ZDHHC14: variants seen among roughly 807,000 people sequenced by gnomAD.
ZDHHC14 encodes the protein palmitoyltransferase ZDHHC14.
In ZDHHC14, 16 loss-of-function variants were observed where a neutral mutation model predicts 47.7. The ratio of observed to expected loss-of-function variants is 0.34; its 90% CI spans 0.23 to 0.51. The LOEUF (loss-of-function observed/expected upper bound fraction) is 0.51, where lower values mean the gene tolerates loss of function less well. Ranked by LOEUF, ZDHHC14 falls within the 20% of genes least tolerant of loss-of-function variation. The pLI, the probability that ZDHHC14 is intolerant of heterozygous loss-of-function variation, is 0.97. For missense variants in ZDHHC14, 515 were observed against 662.5 expected (o/e 0.78, Z 2.44); for synonymous variants, 293 against 278.9 (o/e 1.05, Z -0.50).
intron 1 of ZDHHC14, among the ~76,000 whole-genome samples, chr6:157,420,678 T>C (rs1322877188): frequency 6.6e-6 from 1 of 152,224 alleles, no homozygotes; most frequent in African/African-American, 2.4e-5. Context: ...CTTCACTCTA[T>C]AGAAGTAGGT....
intron 3 of ZDHHC14, among the ~76,000 whole-genome samples, chr6:157,605,762 A>G (rs973353425): frequency 1.3e-5 from 2 of 152,196 alleles, no homozygotes; most frequent in Non-Finnish European, 2.9e-5. Context: ...AGTATGTCCA[A>G]CAATTGGTGT....
At chr6:157,387,620 C>A (rs905099476) in intron 1 of ZDHHC14, among the ~76,000 whole-genome samples, 1 of 152,172 alleles carries the variant, frequency 6.6e-6, no homozygotes, top group Admixed American at 6.5e-5. Context: ...ATGTTTATAA[C>A]CCACTGTGGT....
chr6:157,566,341 C>T (rs1388213909), intron 2 of ZDHHC14, among the ~76,000 whole-genome samples: 1 of 152,148 alleles, frequency 6.6e-6, no homozygotes, highest in Non-Finnish European at 1.5e-5. Flanking sequence ...CACCAGAGCA[C>T]GAAGTGGCCA....
At chr6:157,613,972 C>G (rs1056488811) in intron 3 of ZDHHC14, among the ~76,000 whole-genome samples, 1 of 152,206 alleles carries the variant, frequency 6.6e-6, no homozygotes, top group Non-Finnish European at 1.5e-5. Flanking sequence ...GCTGACTCTT[C>G]CTCTCGTGGT....
intron 5 of ZDHHC14, among the ~76,000 whole-genome samples, chr6:157,636,746 C>G (rs1008661161): frequency 1.3e-5 from 2 of 152,190 alleles, no homozygotes; most frequent in African/African-American, 2.4e-5. Flanking sequence ...GCAGTGTGGG[C>G]AGCACCCTAG....
At chr6:157,444,888 GA>G (rs1778629868) in intron 1 of ZDHHC14, among the ~76,000 whole-genome samples, 1 of 152,098 alleles carries the variant, frequency 6.6e-6, no homozygotes, top group African/African-American at 2.4e-5. Flanking sequence ...ACTAGTCATT[GA>G]AAGGTCAGGC....
Position 157,673,129 on chromosome 6 carries a change from T to C in ZDHHC14, c.*7T>C, listed in dbSNP as rs1468951947. The stretch of plus-strand genomic sequence containing the variant: ...GAAGCTCAGCTCCGTGTGACCCACA[T>C]GGCCCCAGGCCGGGGGACACCAGAG... On this transcript the variant is annotated 3_prime_UTR_variant, in exon 9 of 9. Coordinates refer to ENST00000359775, the MANE Select transcript of ZDHHC14 (RefSeq NM_024630.3). The surrounding 1 kb of genome is among the most constrained non-coding windows in gnomAD (Gnocchi z 5.4). 6.4e-7 allele frequency: 1 copy of C among 1,566,868 alleles called. No individual in the cohort carries two copies. The highest frequency in any genetic ancestry group is 8.6e-7 in the Non-Finnish European group (1 of 1,165,596).
At chr6:157,392,465 T>C (rs1777435816) in intron 1 of ZDHHC14, among the ~76,000 whole-genome samples, 1 of 152,202 alleles carries the variant, frequency 6.6e-6, no homozygotes, top group South Asian at 2.1e-4. Flanking sequence ...GGGGGTTGTC[T>C]CTTAGACCGT....
At chr6:157,495,964 C>CA (rs1780053657) in intron 1 of ZDHHC14, among the ~76,000 whole-genome samples, 1 of 152,056 alleles carries the variant, frequency 6.6e-6, no homozygotes, top group South Asian at 2.1e-4. Context: ...CTCGGCCTTC[C>CA]AAAGTGCTGG....
chr6:157,559,056 C>T (rs1426925926), intron 2 of ZDHHC14, among the ~76,000 whole-genome samples: 4 of 152,156 alleles, frequency 2.6e-5, no homozygotes, highest in East Asian at 3.9e-4. Context: ...GAAGCTCTGC[C>T]GAGATAAAAG....
At chr6:157,500,596 T>C (rs1462594258) in intron 1 of ZDHHC14, among the ~76,000 whole-genome samples, 6 of 152,140 alleles carry the variant, frequency 3.9e-5, no homozygotes, top group Non-Finnish European at 8.8e-5. Flanking sequence ...AGTGACACGA[T>C]TTGCCAGTGG....
In ZDHHC14 at chr6:157,506,103, A is replaced by T. The variant is rs190106049; in HGVS notation, c.246-36482A>T. On this transcript the variant is annotated intron_variant, in intron 1 of 8. Transcript: ENST00000359775. ...GTGGTTAAAGGCTTTTCCCACACTT[A>T]GTCTGGAATGGAATCTCTTCATGGT... 6.6e-5 allele frequency among the ~76,000 whole-genome samples: 10 copies of T among 152,300 alleles called. No homozygotes were observed. In the East Asian group the frequency reaches 1.3e-3, roughly 21 times the overall value.
At chr6:157,601,618 GC>G (rs1400920221) in intron 3 of ZDHHC14, among the ~76,000 whole-genome samples, 4 of 152,112 alleles carry the variant, frequency 2.6e-5, no homozygotes, top group African/African-American at 9.7e-5. Flanking sequence ...AGATAAAATA[GC>G]TGTGAAATGT....
At chr6:157,446,557 G>A (rs191460972) in intron 1 of ZDHHC14, among the ~76,000 whole-genome samples, 8 of 152,026 alleles carry the variant, frequency 5.3e-5, no homozygotes, top group African/African-American at 1.2e-4. Context: ...TTACAGGTGC[G>A]TACCACCATG....
At chr6:157,458,852 T>TTTTTTTTTTTTTTTTC (rs1778994804) in intron 1 of ZDHHC14, among the ~76,000 whole-genome samples, 1 of 91,738 alleles carries the variant, frequency 1.1e-5, no homozygotes, top group Non-Finnish European at 2.7e-5. Flanking sequence ...TGGGTGGATT[T>TTTTTTTTTTTTTTTTC]TTTTTTTTTT....
In ZDHHC14 at chr6:157,463,022, A is replaced by G. The variant is rs1779130068; in HGVS notation, c.246-79563A>G. Among the ~76,000 whole-genome samples the G allele has an allele frequency of 1.3e-5, 2 of 152,252 alleles. No homozygotes were observed. The highest frequency in any genetic ancestry group is 4.1e-4 in the South Asian group (2 of 4,836). On this transcript the variant is annotated intron_variant, in intron 1 of 8. Transcript: ENST00000359775. This position sits in a 1 kb window ranked among gnomAD's most constrained non-coding sequence, Gnocchi z 4.4. ...GTGCATAAAGATAATTGTAGCTAGGAGTCAGTCTCTTTTCCAGAAAGATTC... is the reference window on the plus strand; with the variant it reads ...GTGCATAAAGATAATTGTAGCTAGGGGTCAGTCTCTTTTCCAGAAAGATTC...
chr6:157,615,274 C>T (rs1247378990), intron 3 of ZDHHC14, among the ~76,000 whole-genome samples: 1 of 152,184 alleles, frequency 6.6e-6, no homozygotes, highest in Non-Finnish European at 1.5e-5. Context: ...ACAAAAACAG[C>T]ACACTGTATT....
intron 2 of ZDHHC14, among the ~76,000 whole-genome samples, chr6:157,548,306 A>G (rs757970618): frequency 1.3e-5 from 2 of 152,090 alleles, no homozygotes; most frequent in African/African-American, 4.8e-5. Flanking sequence ...TCAGCCTCTC[A>G]CGCACTCTGA....
At chr6:157,513,805 A>C (rs1421849130) in intron 1 of ZDHHC14, among the ~76,000 whole-genome samples, 1 of 152,204 alleles carries the variant, frequency 6.6e-6, no homozygotes, top group Non-Finnish European at 1.5e-5. Flanking sequence ...AGAGATCAGA[A>C]GCCAGGCCTT....
Sources: allele counts gnomAD v4.1 joint callset (sites outside exome capture counted in the v4.1 genomes callset), GRCh38; gene constraint gnomAD v4.1.1; non-coding constraint Gnocchi (gnomAD v3.1); transcripts MANE v1.5; gene names NCBI Gene and HGNC (gene_info 2026-07-23, HGNC 2026-07-21).